Variants in ZNF664 observed in about 807,000 individuals in gnomAD.
ZNF664 encodes the protein zinc finger protein 664, also known as zinc finger Organ of Corti 1.
Under a neutral mutation model 18.2 loss-of-function variants are expected in ZNF664, and 10 were observed. The observed-to-expected ratio is 0.55, with a 90% CI of 0.34 to 0.93. ZNF664 has a LOEUF of 0.93. Ranked by LOEUF, ZNF664 falls within the 40% of genes least tolerant of loss-of-function variation. The probability of loss-of-function intolerance (pLI) is 0.02; values close to 1 mark genes in which losing one functional copy is unlikely to be tolerated. For missense variants in ZNF664, 193 were observed against 319.0 expected (o/e 0.61, Z 3.01); for synonymous variants, 119 against 104.2 (o/e 1.14, Z -0.86).
chr12:124,007,721 T>C (rs1032673817), intron 3 of ZNF664, among the ~76,000 whole-genome samples: 1 of 152,220 alleles, frequency 6.6e-6, no homozygotes, highest in African/African-American at 2.4e-5. Context: ...CATGAAAATT[T>C]CAACCATACA....
rs1016786632 is a variant in ZNF664, at chr12:123,987,940, A to C, written c.-756-103A>C. ...GTAAATAGGTCTGTCCTATCTTCTGAGCTGGGACCCCACGTTTATAGTAGC... is the reference window on the plus strand; with the variant it reads ...GTAAATAGGTCTGTCCTATCTTCTGCGCTGGGACCCCACGTTTATAGTAGC... On this transcript the variant is annotated intron_variant, in intron 2 of 4. Coordinates refer to ENST00000337815, the MANE Select transcript of ZNF664 (RefSeq NM_152437.3). The C allele has an allele frequency of 2.4e-6, 3 of 1,225,934 alleles. No individual in the cohort carries two copies. In the Admixed American group the frequency reaches 1.3e-4, roughly 52 times the overall value. 75.9% of individuals were successfully genotyped at this position (1,225,934 alleles called of 1,614,324 possible). A position where few individuals can be genotyped will look rare whatever the true frequency, so the allele number is the denominator to read the frequency against.
At position 124,013,321 on chromosome 12, in the gene ZNF664, C is replaced by G. The variant is rs1343228365; in HGVS notation, c.*391C>G. 1 of 210,698 alleles carries G rather than the reference C, an allele frequency of 4.7e-6. No individual in the cohort carries two copies. The highest frequency in any genetic ancestry group is 2.4e-5 in the African/African-American group (1 of 42,504). 13.1% of individuals were successfully genotyped at this position (210,698 alleles called of 1,614,324 possible). On this transcript the variant is annotated 3_prime_UTR_variant, in exon 5 of 5. Transcript: ENST00000337815. ...CTTGAGGAGCTCATGCCCTTCCTTC[C>G]TCTTTATTCGAGCATACTGGCAATG...
intron 2 of ZNF664, among the ~76,000 whole-genome samples, chr12:123,986,999 A>T (rs1161540385): frequency 6.6e-6 from 1 of 152,218 alleles, no homozygotes; most frequent in African/African-American, 2.4e-5. Flanking sequence ...TTCCTGTTTT[A>T]TTCAGTCTCT....
Position 123,973,877 on chromosome 12 carries a change from G to C in ZNF664, c.-891-9G>C. On this transcript the variant is annotated splice_polypyrimidine_tract_variant and intron_variant, in intron 1 of 4. Coordinates refer to ENST00000337815, the MANE Select transcript of ZNF664 (RefSeq NM_152437.3). The stretch of plus-strand genomic sequence containing the variant: ...GAGCCGGCTGCATGGGGTGCTGTGT[G>C]TTTTTCAGGGCGCCCTGCGTCCGGC... The C allele has an allele frequency of 8.1e-7, 1 of 1,231,830 alleles. No homozygotes were observed. Among genetic ancestry groups the C allele is most frequent in the Non-Finnish European group, 1.0e-6 (1 of 988,084 alleles). The allele number at this position is 1,231,830 out of a possible 1,614,324, so 76.3% of individuals were successfully genotyped here. A position where few individuals can be genotyped will look rare whatever the true frequency, so the allele number is the denominator to read the frequency against.
intron 3 of ZNF664, among the ~76,000 whole-genome samples, chr12:123,993,449 C>G (rs1395499198): frequency 1.3e-5 from 2 of 152,168 alleles, no homozygotes; most frequent in African/African-American, 4.8e-5. Context: ...TATTCTAAGG[C>G]AAATAGTTAA....
chr12:124,001,005 G>A (rs926738142), intron 3 of ZNF664, among the ~76,000 whole-genome samples: 1 of 152,180 alleles, frequency 6.6e-6, no homozygotes, highest in African/African-American at 2.4e-5. Context: ...TCATGAGCAT[G>A]TCTAAAATGG....
intron 3 of ZNF664, among the ~76,000 whole-genome samples, chr12:123,994,006 T>C (rs895690961): frequency 6.6e-6 from 1 of 152,204 alleles, no homozygotes; most frequent in Admixed American, 6.5e-5. Context: ...ATGGAATAAA[T>C]TCTGAATCCT....
chr12:123,980,428 T>G (rs1031093997), intron 2 of ZNF664, among the ~76,000 whole-genome samples: 4 of 152,198 alleles, frequency 2.6e-5, no homozygotes, highest in African/African-American at 9.7e-5. Context: ...AGTCTTAAAA[T>G]TATTTACATT....
At chr12:123,975,304 G>A (rs984771525) in intron 2 of ZNF664, among the ~76,000 whole-genome samples, 4 of 151,802 alleles carry the variant, frequency 2.6e-5, no homozygotes, top group African/African-American at 9.7e-5. Flanking sequence ...AACTTTGAAT[G>A]CTTTTTAATT....
At chr12:123,992,083 A>G (rs560360924) in intron 3 of ZNF664, among the ~76,000 whole-genome samples, 4 of 152,210 alleles carry the variant, frequency 2.6e-5, no homozygotes, top group Non-Finnish European at 5.9e-5. Context: ...CCAAATCGTT[A>G]AGCCATTGAA....
intron 2 of ZNF664, among the ~76,000 whole-genome samples, chr12:123,977,236 G>A (rs1176701165): frequency 6.6e-6 from 1 of 152,060 alleles, no homozygotes; most frequent in Non-Finnish European, 1.5e-5. Flanking sequence ...TAAAAATTGG[G>A]ACATTATTTA....
Position 124,013,797 on chromosome 12 carries a change from G to A in ZNF664, c.*867G>A, listed in dbSNP as rs1475692274. On this transcript the variant is annotated 3_prime_UTR_variant, in exon 5 of 5. Transcript: ENST00000337815. ...ACAGATGGAGCTCCTTCCTAGCTAG[G>A]GAGACCTTATGAGAAGTGGATGGTA... 1 of 167,098 alleles carries A rather than the reference G, an allele frequency of 6.0e-6. No homozygotes were observed. Among genetic ancestry groups the A allele is most frequent in the African/African-American group, 2.4e-5 (1 of 41,448 alleles). The allele number at this position is 167,098 out of a possible 1,614,324, so 10.4% of individuals were successfully genotyped here.
chr12:123,984,931 A>G (rs1473142488), intron 2 of ZNF664, among the ~76,000 whole-genome samples: 6 of 152,122 alleles, frequency 3.9e-5, no homozygotes, highest in Non-Finnish European at 8.8e-5. Flanking sequence ...TGGCAGACAC[A>G]ATCAGCAAGG....
At chr12:124,000,228 A>G (rs1387308707) in intron 3 of ZNF664, among the ~76,000 whole-genome samples, 5 of 151,978 alleles carry the variant, frequency 3.3e-5, no homozygotes, top group Non-Finnish European at 5.9e-5. Context: ...CCAGACAACC[A>G]TCTCACACCA....
In ZNF664 at chr12:124,013,131, T is replaced by G. The variant is rs1411679948; in HGVS notation, c.*201T>G. The G allele has an allele frequency of 1.4e-6, 1 of 736,958 alleles. No individual in the cohort carries two copies. Among genetic ancestry groups the G allele is most frequent in the Non-Finnish European group, 2.2e-6 (1 of 457,980 alleles). The allele number at this position is 736,958 out of a possible 1,614,324, so 45.7% of individuals were successfully genotyped here. Reference sequence around the variant, plus strand: ...GACTTTGAATGTGGACCTCTGAGCATCCACGCAGGATGGCTCTCAGGTCCC... The same window carrying G: ...GACTTTGAATGTGGACCTCTGAGCAGCCACGCAGGATGGCTCTCAGGTCCC... On this transcript the variant is annotated 3_prime_UTR_variant, in exon 5 of 5. Transcript: ENST00000337815.
chr12:123,973,699 C>T lies in ZNF664; in HGVS notation c.-891-187C>T, dbSNP rs1477518538. On this transcript the variant is annotated intron_variant, in intron 1 of 4. Coordinates refer to ENST00000337815, the MANE Select transcript of ZNF664 (RefSeq NM_152437.3). Reference sequence around the variant, plus strand: ...CGAGGCCCCTCGGGAGCCGGACTCCCGAGCCAGGCTCCATTGTTGTTGGAG... The same window carrying T: ...CGAGGCCCCTCGGGAGCCGGACTCCTGAGCCAGGCTCCATTGTTGTTGGAG... 8 of 1,062,158 alleles carry T rather than the reference C, an allele frequency of 7.5e-6. No homozygotes were observed. In the East Asian group the frequency reaches 1.4e-4, roughly 19 times the overall value. The allele number at this position is 1,062,158 out of a possible 1,614,324, so 65.8% of individuals were successfully genotyped here. A position where few individuals can be genotyped will look rare whatever the true frequency, so the allele number is the denominator to read the frequency against.
intron 3 of ZNF664, chr12:123,997,713 G>T (rs1008673673): frequency 6.6e-6 from 1 of 152,210 alleles, no homozygotes; most frequent in Admixed American, 6.5e-5. Flanking sequence ...GTCACATCCT[G>T]AGGTTCTGGA....
At chr12:124,007,787 A>G (rs1032833925) in intron 3 of ZNF664, among the ~76,000 whole-genome samples, 13 of 135,960 alleles carry the variant, frequency 9.6e-5, no homozygotes, top group African/African-American at 3.2e-4. Context: ...CCTAAATGCA[A>G]TGGTTACAAT....
rs1286866076 is a variant in ZNF664, at chr12:124,013,533, A to G, written c.*603A>G. ...CATTTTAGATTTTAGGTGACTCATA[A>G]TTCCCATTCACTTAGCCTATCAGAA... On this transcript the variant is annotated 3_prime_UTR_variant, in exon 5 of 5. Coordinates refer to ENST00000337815, the MANE Select transcript of ZNF664 (RefSeq NM_152437.3). The G allele has an allele frequency of 2.4e-5, 4 of 169,598 alleles. No individual in the cohort carries two copies. The highest frequency in any genetic ancestry group is 9.6e-5 in the African/African-American group (4 of 41,468). The allele number at this position is 169,598 out of a possible 1,614,324, so 10.5% of individuals were successfully genotyped here.
Sources: allele counts gnomAD v4.1 joint callset (sites outside exome capture counted in the v4.1 genomes callset), GRCh38; gene constraint gnomAD v4.1.1; transcripts MANE v1.5; gene names NCBI Gene and HGNC (gene_info 2026-07-23, HGNC 2026-07-21).